Variants in GDA observed in about 807,000 individuals in gnomAD.
GDA encodes the protein guanine deaminase, also known as cytoplasmic PSD-95 interactor.
In GDA, 18 loss-of-function variants were observed where a neutral mutation model predicts 59.6. That is an observed-to-expected ratio of 0.30 (90% CI 0.21 to 0.45). GDA has a LOEUF of 0.45. Among genes scored for constraint, GDA ranks in the 20% least tolerant of loss-of-function variants. The probability of loss-of-function intolerance (pLI) is 1.00; values close to 1 mark genes in which losing one functional copy is unlikely to be tolerated. For synonymous variants in GDA, 201 were observed against 201.1 expected (o/e 1.00, Z 0.00); for missense variants, 427 against 552.3 (o/e 0.77, Z 2.27).
intron 2 of GDA, among the ~76,000 whole-genome samples, chr9:72,200,950 T>A (rs1268424134): frequency 6.6e-6 from 1 of 152,196 alleles, no homozygotes; most frequent in African/African-American, 2.4e-5. Flanking sequence ...AACAGTTACT[T>A]TTTTTCAAGC....
intron 1 of GDA, among the ~76,000 whole-genome samples, chr9:72,133,858 G>A (rs1409055947): frequency 2.0e-5 from 3 of 152,100 alleles, no homozygotes; most frequent in Non-Finnish European, 2.9e-5. Context: ...CCCACTGTGC[G>A]GACTGAAACC....
At position 72,159,090 on chromosome 9, in the gene GDA, A is replaced by T. The variant is rs528234304; in HGVS notation, c.123+9408A>T. Among the ~76,000 whole-genome samples, 9 of 152,290 alleles carry T rather than the reference A, an allele frequency of 5.9e-5. No homozygotes were observed. The East Asian group carries it at 1.7e-3, about 29-fold the overall frequency. ...ACTCTATTGTCCTAAGGCCCCTTCA[A>T]CATTTCATGTTGTTTTAGCACAAAG... On this transcript the variant is annotated intron_variant, in intron 1 of 13. Transcript: ENST00000358399.
Position 72,158,240 on chromosome 9 carries a change from C to T in GDA, c.123+8558C>T, listed in dbSNP as rs542482045. Among the ~76,000 whole-genome samples, 3 of 152,200 alleles carry T rather than the reference C, an allele frequency of 2.0e-5. No homozygotes were observed. The East Asian group carries it at 5.8e-4, about 29-fold the overall frequency. On this transcript the variant is annotated intron_variant, in intron 1 of 13. Coordinates refer to ENST00000358399, the MANE Select transcript of GDA (RefSeq NM_004293.5). ...CAGATTATGTGAATTCAAATCAAAA[C>T]TCTGCTACTTACTAGGACAAATTTT...
At chr9:72,221,646 T>G (rs1200878506) in intron 6 of GDA, among the ~76,000 whole-genome samples, 1 of 152,212 alleles carries the variant, frequency 6.6e-6, no homozygotes, top group Non-Finnish European at 1.5e-5. Flanking sequence ...TGCAGATTAT[T>G]TCATCACCCA....
At chr9:72,210,072 G>A (rs1014153892) in intron 3 of GDA, among the ~76,000 whole-genome samples, 1 of 152,146 alleles carries the variant, frequency 6.6e-6, no homozygotes, top group African/African-American at 2.4e-5. Flanking sequence ...AATCATACCT[G>A]CATAGACTTC....
At chr9:72,210,467 G>C (rs1036390456) in intron 3 of GDA, among the ~76,000 whole-genome samples, 9 of 152,182 alleles carry the variant, frequency 5.9e-5, no homozygotes, top group Admixed American at 5.2e-4. Context: ...GCACAGAACT[G>C]TGTGAATCGA....
At chr9:72,238,922 C>T (rs1002892293) in intron 10 of GDA, among the ~76,000 whole-genome samples, 1 of 152,184 alleles carries the variant, frequency 6.6e-6, no homozygotes, top group Non-Finnish European at 1.5e-5. Context: ...TTGAGATTCA[C>T]AGGTCCTAAG....
chr9:72,229,206 C>T, intron 9 of GDA: 1 of 161,094 alleles, frequency 6.2e-6, no homozygotes, highest in Non-Finnish European at 1.3e-5. Flanking sequence ...AAAATATTAG[C>T]CGGGCATGGT....
chr9:72,172,217 C>A (rs538431231), intron 1 of GDA, among the ~76,000 whole-genome samples: 18 of 108,094 alleles, frequency 1.7e-4, no homozygotes, highest in African/African-American at 5.7e-4. Context: ...GTGTACAAAA[C>A]ATACAATCTA....
chr9:72,128,595 A>G (rs1210427138), intron 1 of GDA, among the ~76,000 whole-genome samples: 4 of 152,160 alleles, frequency 2.6e-5, no homozygotes, highest in Non-Finnish European at 4.4e-5. Flanking sequence ...CATGTAATAA[A>G]CATATAATGT....
chr9:72,199,994 C>CTT (rs1271694156), intron 2 of GDA, among the ~76,000 whole-genome samples: 1,361 of 119,804 alleles, frequency 0.011, 55 homozygotes, highest in African/African-American at 0.033. Flanking sequence ...TGAATCCTTT[C>CTT]TTTTTTTTTT....
At chr9:72,235,600 G>T (rs1352134353) in intron 10 of GDA, among the ~76,000 whole-genome samples, 1 of 152,036 alleles carries the variant, frequency 6.6e-6, no homozygotes, top group Admixed American at 6.6e-5. Flanking sequence ...GGGAGGCTGA[G>T]GCAGTAGAAT....
intron 9 of GDA, among the ~76,000 whole-genome samples, chr9:72,230,501 A>ATATAT (rs113206356): frequency 6.9e-6 from 1 of 143,984 alleles, no homozygotes; most frequent in Non-Finnish European, 1.5e-5. Flanking sequence ...AAAAAAAAAA[A>ATATAT]ATATATATAT....
At chr9:72,126,373 G>A (rs1426892451) in intron 1 of GDA, among the ~76,000 whole-genome samples, 3 of 152,062 alleles carry the variant, frequency 2.0e-5, no homozygotes, top group Admixed American at 2.0e-4. Flanking sequence ...AGACTGTGCC[G>A]GTTTAGCTAA....
In GDA at chr9:72,248,473, A is replaced by G; in HGVS notation, c.*131A>G. 6.7e-7 allele frequency: 1 copy of G among 1,491,064 alleles called. No homozygotes were observed. The highest frequency in any genetic ancestry group is 8.9e-7 in the Non-Finnish European group (1 of 1,119,490). The allele number at this position is 1,491,064 out of a possible 1,614,324, so 92.4% of individuals were successfully genotyped here. A position where few individuals can be genotyped will look rare whatever the true frequency, so the allele number is the denominator to read the frequency against. ...TGACTATCCCTTTCTGTGTCTAGTT[A>G]CAGTATTCACTTGACAAATAGTTCG... On this transcript the variant is annotated 3_prime_UTR_variant, in exon 14 of 14. Transcript: ENST00000358399.
intron 1 of GDA, among the ~76,000 whole-genome samples, chr9:72,155,525 T>C: frequency 6.6e-6 from 1 of 151,838 alleles, no homozygotes; most frequent in East Asian, 1.9e-4. Flanking sequence ...GGTCCTGGGG[T>C]AGGAAGGAAT....
intron 1 of GDA, among the ~76,000 whole-genome samples, chr9:72,171,317 C>T (rs1563929483): frequency 6.6e-6 from 1 of 152,102 alleles, no homozygotes; most frequent in African/African-American, 2.4e-5. Context: ...TCTCTTGTTG[C>T]TTATTCCATT....
intron 2 of GDA, among the ~76,000 whole-genome samples, chr9:72,200,208 G>T (rs1347528375): frequency 6.6e-6 from 1 of 152,008 alleles, no homozygotes; most frequent in African/African-American, 2.4e-5. Context: ...GTGTTAGCCA[G>T]GATGGTCTCG....
intron 1 of GDA, among the ~76,000 whole-genome samples, chr9:72,153,910 A>G (rs988356716): frequency 6.6e-6 from 1 of 151,364 alleles, no homozygotes; most frequent in Non-Finnish European, 1.5e-5. Context: ...ACATGTATAC[A>G]TATGTAACTA....
Sources: gnomAD v4.1 joint callset for allele counts (sites outside exome capture counted in the v4.1 genomes callset) on GRCh38, gnomAD v4.1.1 for gene constraint, MANE v1.5 for transcripts, NCBI Gene and HGNC (gene_info 2026-07-23, HGNC 2026-07-21) for gene names.